Variants in LRP1B observed in about 807,000 individuals in gnomAD.
LRP1B encodes the protein LDL receptor related protein 1B, also known as low-density lipoprotein receptor-related protein 1B.
In LRP1B, 217 loss-of-function variants were observed where a neutral mutation model predicts 556.6. The ratio of observed to expected loss-of-function variants is 0.39; its 90% CI spans 0.35 to 0.44. LRP1B has a LOEUF of 0.44. LRP1B is among the 20% of genes least tolerant of loss of function. LRP1B has a pLI of 1.00. For missense variants in LRP1B, 5,053 were observed against 5,620.8 expected, an observed-to-expected ratio of 0.90 and a Z score of 3.23; for synonymous variants, 2,047 against 1,865.8, an observed-to-expected ratio of 1.10 and a Z score of -2.50.
intron 1 of LRP1B, among the ~76,000 whole-genome samples, chr2:141,980,329 C>T (rs1421495934): frequency 3.3e-5 from 5 of 152,058 alleles, no homozygotes; most frequent in Non-Finnish European, 1.5e-5. Context: ...TTCCCCAATG[C>T]TACAATAAAA....
At chr2:141,623,177 A>T (rs951736158) in intron 2 of LRP1B, among the ~76,000 whole-genome samples, 2 of 115,206 alleles carry the variant, frequency 1.7e-5, no homozygotes, top group Admixed American at 1.6e-4. Flanking sequence ...CACTTAATTT[A>T]AAAAAAAATC....
intron 1 of LRP1B, among the ~76,000 whole-genome samples, chr2:142,001,051 C>T (rs925362286): frequency 6.6e-6 from 1 of 152,096 alleles, no homozygotes; most frequent in African/African-American, 2.4e-5. Flanking sequence ...TAAAGGGTTT[C>T]CCCTTTTGCT....
chr2:140,690,705 C>T (rs565546944), intron 41 of LRP1B, among the ~76,000 whole-genome samples: 28 of 152,228 alleles, frequency 1.8e-4, no homozygotes, highest in African/African-American at 6.7e-4. Flanking sequence ...TCTCCATAAT[C>T]AATGACCATG....
At chr2:140,943,910 T>C (rs185317383) in intron 20 of LRP1B, among the ~76,000 whole-genome samples, 1 of 151,358 alleles carries the variant, frequency 6.6e-6, no homozygotes. Flanking sequence ...AGAAAAGAAA[T>C]AACTAAAAAT....
intron 1 of LRP1B, among the ~76,000 whole-genome samples, chr2:142,010,206 A>G (rs1201709311): frequency 1.3e-5 from 2 of 152,080 alleles, no homozygotes; most frequent in African/African-American, 4.8e-5. Context: ...ATCATGCCAC[A>G]CTGCACAGGA....
chr2:140,492,532 C>A, intron 57 of LRP1B, 76 bp downstream of exon 57: 3 of 874,008 alleles, frequency 3.4e-6, no homozygotes, highest in South Asian at 3.5e-5. Context: ...ACTCTAATTG[C>A]CAGGTAGTTC....
intron 6 of LRP1B, among the ~76,000 whole-genome samples, chr2:141,216,593 G>A (rs1246975117): frequency 2.0e-5 from 3 of 152,162 alleles, no homozygotes; most frequent in Non-Finnish European, 2.9e-5. Context: ...AAAAGCCACA[G>A]GCACTCAATC....
chr2:141,775,494 CAA>C (rs1330015162), intron 2 of LRP1B, among the ~76,000 whole-genome samples: 43 of 152,284 alleles, frequency 2.8e-4, no homozygotes, highest in African/African-American at 9.9e-4. Flanking sequence ...TTCATCAGTA[CAA>C]GAGTCATGAT....
intron 1 of LRP1B, among the ~76,000 whole-genome samples, chr2:141,866,980 C>T (rs1279245308): frequency 2.0e-5 from 3 of 152,042 alleles, no homozygotes; most frequent in African/African-American, 4.8e-5. Context: ...GAGTGGATGA[C>T]GTATCTGGAA....
chr2:141,392,481 A>T (rs73963070), intron 3 of LRP1B, among the ~76,000 whole-genome samples: 6 of 144,692 alleles, frequency 4.1e-5, no homozygotes, highest in African/African-American at 1.4e-4. Context: ...AAAAAAAAAA[A>T]GAGAGACTGT....
chr2:140,464,508 T>C (rs1184573072), intron 60 of LRP1B, among the ~76,000 whole-genome samples: 2 of 152,218 alleles, frequency 1.3e-5, no homozygotes, highest in Non-Finnish European at 2.9e-5. Context: ...TGAAGTTTTA[T>C]AAAGCAGACT....
chr2:140,845,284 G>A (rs976106674), intron 29 of LRP1B, among the ~76,000 whole-genome samples: 9 of 152,114 alleles, frequency 5.9e-5, no homozygotes, highest in Non-Finnish European at 1.0e-4. Flanking sequence ...TGATTTCTGG[G>A]TCAGCTATTA....
chr2:141,931,824 A>G (rs1335206615), intron 1 of LRP1B, among the ~76,000 whole-genome samples: 1 of 152,116 alleles, frequency 6.6e-6, no homozygotes, highest in Non-Finnish European at 1.5e-5. Flanking sequence ...AAGGAACTTC[A>G]TGAAGATTAG....
At chr2:141,223,219 C>T (rs1478029642) in intron 6 of LRP1B, among the ~76,000 whole-genome samples, 1 of 152,018 alleles carries the variant, frequency 6.6e-6, no homozygotes, top group Admixed American at 6.6e-5. Context: ...GTGCAAAAAT[C>T]GCTAGTTTCC....
intron 2 of LRP1B, among the ~76,000 whole-genome samples, chr2:141,594,805 A>G (rs1687462940): frequency 6.6e-6 from 1 of 152,124 alleles, no homozygotes; most frequent in African/African-American, 2.4e-5. Context: ...ATTGTTTATG[A>G]TATTGATATA....
At chr2:140,378,364 G>A (rs1683327603) in intron 67 of LRP1B, 78 bp from the exon 68 acceptor site, 2 of 733,856 alleles carry the variant, frequency 2.7e-6, no homozygotes, top group Non-Finnish European at 4.6e-6. Context: ...TATGACATGA[G>A]GTAGCATTAA....
intron 1 of LRP1B, among the ~76,000 whole-genome samples, chr2:142,103,607 A>C (rs1706641979): frequency 6.6e-6 from 1 of 152,064 alleles, no homozygotes. Context: ...GCAGTTAAAA[A>C]ATAAAAAAGA....
intron 20 of LRP1B, among the ~76,000 whole-genome samples, chr2:140,945,455 AC>A (rs1417568924): frequency 2.0e-5 from 3 of 152,174 alleles, no homozygotes; most frequent in Non-Finnish European, 2.9e-5. Context: ...CCAACTTCAA[AC>A]TATACTACAA....
At chr2:140,277,010 C>T (rs1682699729) in intron 84 of LRP1B, among the ~76,000 whole-genome samples, 1 of 151,610 alleles carries the variant, frequency 6.6e-6, no homozygotes, top group African/African-American at 2.4e-5. Flanking sequence ...TTTGATTTGA[C>T]CAAAATAGCT....
Sources: allele counts gnomAD v4.1 joint callset (sites outside exome capture counted in the v4.1 genomes callset), GRCh38; gene constraint gnomAD v4.1.1; transcripts MANE v1.5; gene names NCBI Gene and HGNC (gene_info 2026-07-23, HGNC 2026-07-21).